Variants in DGKB observed in about 807,000 individuals in gnomAD.
DGKB encodes the protein 90 kDa diacylglycerol kinase.
In DGKB, 67 loss-of-function variants were observed where a neutral mutation model predicts 114.3. That is an observed-to-expected ratio of 0.59 (90% CI 0.48 to 0.72). The LOEUF is 0.72. Ranked by LOEUF, DGKB falls within the 30% of genes least tolerant of loss-of-function variation. The probability of loss-of-function intolerance (pLI) is 0.00; values close to 1 mark genes in which losing one functional copy is unlikely to be tolerated. For synonymous variants in DGKB, 398 were observed against 323.1 expected (o/e 1.23, Z -2.49); for missense variants, 907 against 975.2 (o/e 0.93, Z 0.93).
At chr7:14,795,840 C>A (rs139219287) in intron 2 of DGKB, among the ~76,000 whole-genome samples, 47 of 152,088 alleles carry the variant, frequency 3.1e-4, no homozygotes, top group Admixed American at 2.9e-3. Context: ...TTAATCTGTA[C>A]AAGGGGTCTT....
intron 1 of DGKB, among the ~76,000 whole-genome samples, chr7:14,963,399 G>A (rs1786973057): frequency 6.6e-6 from 1 of 152,054 alleles, no homozygotes; most frequent in Non-Finnish European, 1.5e-5. Flanking sequence ...CTATTTCAGT[G>A]GAAGTTCCTA....
intron 1 of DGKB, among the ~76,000 whole-genome samples, chr7:14,856,577 C>T (rs1268052056): frequency 6.6e-6 from 1 of 151,964 alleles, no homozygotes; most frequent in African/African-American, 2.4e-5. Flanking sequence ...ATTTTTTACT[C>T]AAGTTTTTCA....
intron 1 of DGKB, among the ~76,000 whole-genome samples, chr7:14,910,262 GAAAGAAAGAAA>G: frequency 8.6e-6 from 1 of 116,828 alleles, no homozygotes; most frequent in South Asian, 2.5e-4. Flanking sequence ...AAGAAAGAAA[GAAAGAAAGAAA>G]GAAAGAAAGA....
At chr7:14,607,011 C>T (rs1173827744) in intron 17 of DGKB, among the ~76,000 whole-genome samples, 3 of 151,750 alleles carry the variant, frequency 2.0e-5, no homozygotes, top group Non-Finnish European at 4.4e-5. Flanking sequence ...CTTAGTGTTC[C>T]AATAATGGAA....
chr7:14,330,098 T>C (rs138764797), intron 23 of DGKB, among the ~76,000 whole-genome samples: 147 of 152,050 alleles, frequency 9.7e-4, no homozygotes, highest in Admixed American at 5.2e-3. Flanking sequence ...CAAAAATCAA[T>C]AGCTAGAAAT....
chr7:14,969,898 G>A (rs1158319421), intron 1 of DGKB, among the ~76,000 whole-genome samples: 5 of 152,226 alleles, frequency 3.3e-5, no homozygotes, highest in Middle Eastern at 6.8e-3. Flanking sequence ...CATAGAAAAG[G>A]CAATGTGTTC....
intron 23 of DGKB, among the ~76,000 whole-genome samples, chr7:14,200,999 T>C (rs1005858350): frequency 6.6e-6 from 1 of 151,958 alleles, no homozygotes; most frequent in Admixed American, 6.6e-5. Context: ...ATAAAGGACA[T>C]TTAGGGAGTT....
chr7:14,207,451 GGGTAGC>G (rs1211554988), intron 23 of DGKB, among the ~76,000 whole-genome samples: 3 of 151,974 alleles, frequency 2.0e-5, no homozygotes. Context: ...GAAGTCCTAG[GGGTAGC>G]ATCCTGTGCC....
intron 20 of DGKB, among the ~76,000 whole-genome samples, chr7:14,518,373 C>A (rs1303666469): frequency 6.6e-6 from 1 of 151,830 alleles, no homozygotes; most frequent in East Asian, 1.9e-4. Context: ...GTGCTTATTA[C>A]CTGGGTAGCA....
intron 14 of DGKB, among the ~76,000 whole-genome samples, chr7:14,627,416 T>C (rs1808783266): frequency 6.6e-6 from 1 of 152,140 alleles, no homozygotes; most frequent in Non-Finnish European, 1.5e-5. Flanking sequence ...TATTTTCTCC[T>C]AGGATGATTT....
chr7:14,564,529 G>A (rs1360342743), intron 20 of DGKB, among the ~76,000 whole-genome samples: 1 of 152,054 alleles, frequency 6.6e-6, no homozygotes, highest in Non-Finnish European at 1.5e-5. Context: ...GTTTGTCAGG[G>A]GAAGAAGATG....
intron 23 of DGKB, among the ~76,000 whole-genome samples, chr7:14,260,606 C>A (rs933043297): frequency 7.9e-5 from 12 of 152,274 alleles, no homozygotes; most frequent in African/African-American, 2.9e-4. Context: ...TTAGCTTTCA[C>A]TTCCTATTAC....
chr7:14,532,053 G>A (rs1034368815), intron 20 of DGKB, among the ~76,000 whole-genome samples: 10 of 151,230 alleles, frequency 6.6e-5, no homozygotes, highest in African/African-American at 2.4e-4. Flanking sequence ...AATGGATCAT[G>A]TTCTCAGAAC....
intron 2 of DGKB, among the ~76,000 whole-genome samples, chr7:14,761,368 G>T (rs191186624): frequency 4.6e-5 from 7 of 152,288 alleles, no homozygotes; most frequent in Non-Finnish European, 1.0e-4. Context: ...AATTGCACTA[G>T]GTTGTGAAAA....
intron 16 of DGKB, among the ~76,000 whole-genome samples, chr7:14,611,041 A>ATTTCACAATTTTGGCAGGGTAAAT (rs1805459626): frequency 6.6e-6 from 1 of 151,912 alleles, no homozygotes; most frequent in South Asian, 2.1e-4. Context: ...ATCCCGGTAA[A>ATTTCACAATTTTGGCAGGGTAAAT]TTCCTCTTGG....
intron 2 of DGKB, among the ~76,000 whole-genome samples, chr7:14,776,053 A>G (rs1838122557): frequency 6.6e-6 from 1 of 152,152 alleles, no homozygotes; most frequent in Admixed American, 6.5e-5. Context: ...AGGTGGTCTC[A>G]GACGGAGATG....
chr7:14,481,373 T>C (rs943720424), intron 20 of DGKB, among the ~76,000 whole-genome samples: 9 of 152,010 alleles, frequency 5.9e-5, no homozygotes, highest in African/African-American at 1.7e-4. Flanking sequence ...ATGTTCTATA[T>C]GTATTGAGAT....
intron 15 of DGKB, among the ~76,000 whole-genome samples, chr7:14,618,119 TACACACAC>T (rs59901892): frequency 6.7e-6 from 1 of 148,698 alleles, no homozygotes; most frequent in Non-Finnish European, 1.5e-5. Flanking sequence ...GCAAAGGACA[TACACACAC>T]ACACACACAC....
chr7:14,972,964 C>T (rs1787563767), intron 1 of DGKB, among the ~76,000 whole-genome samples: 1 of 151,970 alleles, frequency 6.6e-6, no homozygotes, highest in African/African-American at 2.4e-5. Flanking sequence ...GGAAATCCAA[C>T]TAATGCTTGT....
Sources: gnomAD v4.1 joint callset for allele counts (sites outside exome capture counted in the v4.1 genomes callset) on GRCh38, gnomAD v4.1.1 for gene constraint, MANE v1.5 for transcripts, NCBI Gene and HGNC (gene_info 2026-07-23, HGNC 2026-07-21) for gene names.